FRAS1: variants seen among roughly 807,000 people sequenced by gnomAD.
FRAS1 encodes extracellular matrix organizing protein FRAS1.
In FRAS1, 290 loss-of-function variants were observed where a neutral mutation model predicts 435.2. The observed-to-expected ratio is 0.67, with a 90% CI of 0.61 to 0.73. The LOEUF is 0.73. Among genes scored for constraint, FRAS1 ranks in the 30% least tolerant of loss-of-function variants. The pLI is 0.00. For missense variants in FRAS1, 4,860 were observed against 5,001.5 expected, an observed-to-expected ratio of 0.97 and a Z score of 0.85; for synonymous variants, 1,800 against 1,851.0, an observed-to-expected ratio of 0.97 and a Z score of 0.71.
At chr4:78,173,119 G>C (rs746253838) in intron 2 of FRAS1, among the ~76,000 whole-genome samples, 1 of 152,196 alleles carries the variant, frequency 6.6e-6, no homozygotes, top group Non-Finnish European at 1.5e-5. Context: ...GTGTCTCCAT[G>C]CTGTCAGATG....
intron 19 of FRAS1, among the ~76,000 whole-genome samples, chr4:78,333,678 C>G (rs181497598): frequency 7.0e-4 from 107 of 152,326 alleles, no homozygotes; most frequent in African/African-American, 2.4e-3. Context: ...TTGGTTTTCT[C>G]TTGCCTGGAA....
intron 1 of FRAS1, among the ~76,000 whole-genome samples, chr4:78,059,136 G>A (rs1179668349): frequency 6.6e-6 from 1 of 152,186 alleles, no homozygotes; most frequent in Non-Finnish European, 1.5e-5. Context: ...GGCGCAGGGC[G>A]GGCCGCCTTC....
intron 63 of FRAS1, among the ~76,000 whole-genome samples, chr4:78,510,100 T>C (rs903487831): frequency 1.3e-5 from 2 of 152,238 alleles, no homozygotes; most frequent in Non-Finnish European, 2.9e-5. Context: ...CAAATTTAAA[T>C]AGTCTTCTCT....
chr4:78,408,215 G>A (rs115191425), intron 31 of FRAS1, among the ~76,000 whole-genome samples: 97 of 152,210 alleles, frequency 6.4e-4, no homozygotes, highest in Middle Eastern at 3.4e-3. Flanking sequence ...AACTGCCCCC[G>A]TGATTGTTGT....
intron 3 of FRAS1, 49 bp from the exon 4 acceptor site, chr4:78,245,184 T>C: frequency 7.8e-7 from 1 of 1,274,392 alleles, no homozygotes; most frequent in East Asian, 2.4e-5. Context: ...CTATTGTGAC[T>C]TGGTGTGTGC....
At chr4:78,512,283 A>G (rs938877598) in intron 64 of FRAS1, among the ~76,000 whole-genome samples, 6 of 152,212 alleles carry the variant, frequency 3.9e-5, no homozygotes, top group Non-Finnish European at 7.3e-5. Flanking sequence ...ATAAACTCAG[A>G]AAAATGAGTT....
chr4:78,273,732 A>AT (rs1230668107), intron 9 of FRAS1, among the ~76,000 whole-genome samples: 2 of 151,804 alleles, frequency 1.3e-5, no homozygotes, highest in Admixed American at 1.3e-4. Flanking sequence ...TTTATTGAGG[A>AT]TTTTTTCATT....
chr4:78,284,524 T>TA lies in FRAS1; in HGVS notation c.1376dup (p.Tyr459Ter), dbSNP rs1198708939. The change falls in exon 13 of 74, where the codon TAC (tyrosine) becomes TAAC (stop). Residue 459 changes from tyrosine to a stop codon, truncating the protein, a stop_gained and frameshift_variant. Coordinates refer to ENST00000512123, the MANE Select transcript of FRAS1 (RefSeq NM_025074.7). LOFTEE classifies it high-confidence loss of function. ...TGTGCACAGCTGTGGACTGGGTTTT[T>TA]ACCAAGCTGGCAGTCTCTGTTTAGG... ...WCVHSCGLGF[Y>*]QAGSLCLACQ... 1.9e-6 allele frequency: 3 copies of TA among 1,611,572 alleles called. No individual in the cohort carries two copies. Among genetic ancestry groups the TA allele is most frequent in the African/African-American group, 1.3e-5 (1 of 74,784 alleles).
At chr4:78,172,174 A>G (rs1414604976) in intron 2 of FRAS1, among the ~76,000 whole-genome samples, 1 of 152,032 alleles carries the variant, frequency 6.6e-6, no homozygotes, top group Non-Finnish European at 1.5e-5. Flanking sequence ...TGCTTGTATT[A>G]GGCCTGTTGC....
chr4:78,539,109 G>A (rs1721972794), intron 72 of FRAS1, among the ~76,000 whole-genome samples, 185 bp from the exon 73 acceptor site: 1 of 152,086 alleles, frequency 6.6e-6, no homozygotes, highest in Admixed American at 6.5e-5. Context: ...ATAAGATTTG[G>A]TGGGGACACA....
At chr4:78,362,728 T>G (rs182783216) in intron 20 of FRAS1, among the ~76,000 whole-genome samples, 8 of 152,214 alleles carry the variant, frequency 5.3e-5, no homozygotes, top group Admixed American at 3.3e-4. Flanking sequence ...GTGGAGAATT[T>G]TGTTGAGTGA....
At chr4:78,431,144 G>C (rs1009229054) in intron 37 of FRAS1, among the ~76,000 whole-genome samples, 3 of 152,166 alleles carry the variant, frequency 2.0e-5, no homozygotes, top group Admixed American at 6.5e-5. Context: ...TAGAGATGCA[G>C]TAATCCATCC....
At chr4:78,308,768 G>A (rs1353228464) in intron 15 of FRAS1, among the ~76,000 whole-genome samples, 2 of 152,192 alleles carry the variant, frequency 1.3e-5, no homozygotes, top group African/African-American at 2.4e-5. Context: ...TTAACCCACT[G>A]AGAGGCAGAA....
At position 78,295,329 on chromosome 4, in the gene FRAS1, T is replaced by C. The variant is rs192339778; in HGVS notation, c.1534+8790T>C. Among the ~76,000 whole-genome samples the C allele has an allele frequency of 1.7e-3, 266 of 152,330 alleles. 3 individuals are homozygous for C. The highest frequency in any genetic ancestry group is 5.7e-3 in the African/African-American group (238 of 41,576). On this transcript the variant is annotated intron_variant, in intron 14 of 73. Coordinates refer to ENST00000512123, the MANE Select transcript of FRAS1 (RefSeq NM_025074.7). ...TGACACAGAGTAACATATTATACTC[T>C]TTTAAGAAAGTTGTACTAATTTGTA...
chr4:78,271,372 G>C (rs935622005), intron 9 of FRAS1, among the ~76,000 whole-genome samples: 2 of 151,928 alleles, frequency 1.3e-5, no homozygotes, highest in South Asian at 2.1e-4. Context: ...GTGCAGGTTT[G>C]TTACATATGT....
At chr4:78,129,830 C>A (rs1265196508) in intron 2 of FRAS1, among the ~76,000 whole-genome samples, 1 of 152,144 alleles carries the variant, frequency 6.6e-6, no homozygotes, top group Admixed American at 6.6e-5. Flanking sequence ...CCATTCTAAT[C>A]TAGTTTCTTC....
intron 2 of FRAS1, among the ~76,000 whole-genome samples, chr4:78,177,697 A>G (rs1326245172): frequency 6.6e-6 from 1 of 152,148 alleles, no homozygotes; most frequent in Admixed American, 6.5e-5. Context: ...GTTCATCACC[A>G]TCAACACTAA....
intron 2 of FRAS1, among the ~76,000 whole-genome samples, chr4:78,173,904 A>G (rs1721656820): frequency 6.6e-6 from 1 of 152,212 alleles, no homozygotes; most frequent in African/African-American, 2.4e-5. Flanking sequence ...TATGCATTAC[A>G]CTGTTATTCT....
chr4:78,144,840 AAATT>A (rs1720351648), intron 2 of FRAS1, among the ~76,000 whole-genome samples: 1 of 152,166 alleles, frequency 6.6e-6, no homozygotes, highest in South Asian at 2.1e-4. Flanking sequence ...GCATGTTCCT[AAATT>A]TATTCCAGTG....
Sources: allele counts gnomAD v4.1 joint callset (sites outside exome capture counted in the v4.1 genomes callset), GRCh38; gene constraint gnomAD v4.1.1; transcripts MANE v1.5; gene names NCBI Gene and HGNC (gene_info 2026-07-23, HGNC 2026-07-21).